Variants in SAMD12 observed in about 807,000 individuals in gnomAD.
The protein encoded by SAMD12 is sterile alpha motif domain-containing protein 12.
In SAMD12, 9 loss-of-function variants were observed where a neutral mutation model predicts 15.0. The observed-to-expected ratio is 0.60, with a 90% CI of 0.36 to 1.05. The LOEUF (loss-of-function observed/expected upper bound fraction) is 1.05, where lower values mean the gene tolerates loss of function less well. Among genes scored for constraint, SAMD12 ranks in the 50% least tolerant of loss-of-function variants. The pLI is 0.01. For synonymous variants in SAMD12, 86 were observed against 90.1 expected (o/e 0.96, Z 0.25); for missense variants, 230 against 234.2 (o/e 0.98, Z 0.12).
chr8:118,361,770 A>G (rs1164897215), intron 4 of SAMD12, among the ~76,000 whole-genome samples: 2 of 152,158 alleles, frequency 1.3e-5, no homozygotes, highest in Non-Finnish European at 2.9e-5. Flanking sequence ...TGTTAATCAC[A>G]GCTTTGTTTA....
chr8:118,388,655 G>A (rs1459604049), intron 3 of SAMD12, among the ~76,000 whole-genome samples: 2 of 152,104 alleles, frequency 1.3e-5, no homozygotes, highest in Admixed American at 1.3e-4. Context: ...AAAGATACTT[G>A]TTAAATTAAC....
chr8:118,521,852 G>A (rs1825396282), intron 2 of SAMD12, among the ~76,000 whole-genome samples: 1 of 152,252 alleles, frequency 6.6e-6, no homozygotes, highest in South Asian at 2.1e-4. Context: ...AAATGCAAAA[G>A]AGAAGCTTTC....
At chr8:118,609,253 A>G (rs534233718) in intron 1 of SAMD12, among the ~76,000 whole-genome samples, 1 of 152,234 alleles carries the variant, frequency 6.6e-6, no homozygotes, top group Admixed American at 6.5e-5. Context: ...TCTGGCCACC[A>G]TGCAGTTCAA....
chr8:118,543,603 G>T (rs1246467797), intron 2 of SAMD12, among the ~76,000 whole-genome samples: 2 of 131,922 alleles, frequency 1.5e-5, no homozygotes, highest in African/African-American at 3.5e-5. Flanking sequence ...AACATTATGA[G>T]ATTTTTTTTT....
At chr8:118,213,515 T>C (rs1157534410) in intron 4 of SAMD12, among the ~76,000 whole-genome samples, 1 of 152,188 alleles carries the variant, frequency 6.6e-6, no homozygotes, top group Admixed American at 6.5e-5. Flanking sequence ...TGGATGTGGA[T>C]CCTCAGTCCC....
chr8:118,369,685 C>T (rs778970035), intron 4 of SAMD12, among the ~76,000 whole-genome samples: 42 of 151,856 alleles, frequency 2.8e-4, no homozygotes, highest in African/African-American at 3.9e-4. Flanking sequence ...ATTATACTCC[C>T]GCCCGGGCAA....
intron 4 of SAMD12, among the ~76,000 whole-genome samples, chr8:118,274,618 C>T (rs1586409551): frequency 6.6e-6 from 1 of 152,256 alleles, no homozygotes; most frequent in Non-Finnish European, 1.5e-5. Context: ...TAATGATTTA[C>T]TTTTCTTTAC....
chr8:118,215,621 C>A (rs193193207), intron 4 of SAMD12, among the ~76,000 whole-genome samples: 18 of 151,842 alleles, frequency 1.2e-4, no homozygotes, highest in African/African-American at 2.2e-4. Context: ...CCTCTCCCCC[C>A]ACCCCACCAC....
At chr8:118,593,771 C>T (rs141608597) in intron 1 of SAMD12, among the ~76,000 whole-genome samples, 44 of 152,096 alleles carry the variant, frequency 2.9e-4, no homozygotes, top group African/African-American at 6.3e-4. Flanking sequence ...GAAATTACGT[C>T]GGAAAATTAT....
At chr8:118,344,358 C>T (rs1442992259) in intron 4 of SAMD12, among the ~76,000 whole-genome samples, 1 of 152,232 alleles carries the variant, frequency 6.6e-6, no homozygotes, top group Non-Finnish European at 1.5e-5. Context: ...GTAAGAATTA[C>T]AGCTACCTTC....
At chr8:118,558,554 GT>G (rs959246619) in intron 2 of SAMD12, among the ~76,000 whole-genome samples, 2 of 151,134 alleles carry the variant, frequency 1.3e-5, no homozygotes, top group African/African-American at 4.9e-5. Flanking sequence ...TTTTGTTTTT[GT>G]TTTTTTTGTT....
intron 4 of SAMD12, among the ~76,000 whole-genome samples, chr8:118,307,251 A>G (rs994247358): frequency 2.0e-5 from 3 of 152,334 alleles, no homozygotes; most frequent in Admixed American, 2.0e-4. Flanking sequence ...TCAATTAGAA[A>G]TGTGGACTTC....
At chr8:118,225,796 C>T (rs1812176676) in intron 4 of SAMD12, among the ~76,000 whole-genome samples, 1 of 152,198 alleles carries the variant, frequency 6.6e-6, no homozygotes, top group South Asian at 2.1e-4. Context: ...AGCGAGGATA[C>T]TCAGCATATG....
At chr8:118,578,870 C>T (rs1276919856) in intron 2 of SAMD12, among the ~76,000 whole-genome samples, 1 of 152,152 alleles carries the variant, frequency 6.6e-6, no homozygotes, top group Non-Finnish European at 1.5e-5. Context: ...TCCTTTCAAC[C>T]TCATTTGTTG....
chr8:118,346,920 C>G (rs1817692622), intron 4 of SAMD12, among the ~76,000 whole-genome samples: 1 of 152,098 alleles, frequency 6.6e-6, no homozygotes, highest in Non-Finnish European at 1.5e-5. Flanking sequence ...CTGTTGTTGT[C>G]AAAGACAGGG....
intron 4 of SAMD12, among the ~76,000 whole-genome samples, chr8:118,302,950 T>A (rs1390463124): frequency 1.3e-5 from 2 of 152,220 alleles, no homozygotes; most frequent in Non-Finnish European, 2.9e-5. Context: ...ACTAGGCATC[T>A]GTTATTGGAG....
intron 4 of SAMD12, among the ~76,000 whole-genome samples, chr8:118,365,937 T>C (rs1586607651): frequency 6.6e-6 from 1 of 152,124 alleles, no homozygotes; most frequent in African/African-American, 2.4e-5. Flanking sequence ...GCATAATTAA[T>C]GACCCCATTC....
intron 2 of SAMD12, among the ~76,000 whole-genome samples, chr8:118,569,513 C>T (rs1193176205): frequency 6.6e-6 from 1 of 152,126 alleles, no homozygotes; most frequent in Admixed American, 6.5e-5. Context: ...AATGTTTGTG[C>T]CTCCTAAAAC....
intron 4 of SAMD12, among the ~76,000 whole-genome samples, chr8:118,285,797 T>C (rs1279988871): frequency 1.3e-5 from 2 of 152,180 alleles, no homozygotes; most frequent in Non-Finnish European, 2.9e-5. Context: ...ATCTGGTGCA[T>C]GATGGGTGTA....
Sources: gnomAD v4.1 joint callset for allele counts (sites outside exome capture counted in the v4.1 genomes callset) on GRCh38, gnomAD v4.1.1 for gene constraint, MANE v1.5 for transcripts, NCBI Gene and HGNC (gene_info 2026-07-23, HGNC 2026-07-21) for gene names.